Variants in NPR3 observed in about 807,000 individuals in gnomAD.
The protein encoded by NPR3 is natriuretic peptide receptor 3.
NPR3 carries 34 observed loss-of-function variants against 54.5 expected under a neutral mutation model. That is an observed-to-expected ratio of 0.62 (90% confidence interval 0.47 to 0.83). The LOEUF is 0.83. Ranked by LOEUF, NPR3 falls within the 40% of genes least tolerant of loss-of-function variation. NPR3 has a pLI of 0.00. For missense variants in NPR3, 674 were observed against 720.8 expected, an observed-to-expected ratio of 0.94 and a Z score of 0.74; for synonymous variants, 289 against 297.1, an observed-to-expected ratio of 0.97 and a Z score of 0.28.
intron 1 of NPR3, among the ~76,000 whole-genome samples, chr5:32,722,227 G>A (rs754555571): frequency 6.6e-6 from 1 of 152,136 alleles, no homozygotes; most frequent in Non-Finnish European, 1.5e-5. Context: ...CTTGGACCCT[G>A]GCTGTTTGGT....
At chr5:32,761,357 A>G (rs1349478296) in intron 3 of NPR3, among the ~76,000 whole-genome samples, 1 of 152,142 alleles carries the variant, frequency 6.6e-6, no homozygotes, top group Non-Finnish European at 1.5e-5. Context: ...TTATCTCAGC[A>G]ATGTTTATAG....
chr5:32,724,674 G>A, intron 1 of NPR3, 24 bp from the exon 2 acceptor site: 1 of 1,613,804 alleles, frequency 6.2e-7, no homozygotes, highest in East Asian at 2.2e-5. Flanking sequence ...GGTGCCTCAT[G>A]TGTGTTGTTT....
At chr5:32,709,412 T>TTC (rs1554011977), upstream of NPR3, 3 of 140,358 alleles carry the variant, frequency 2.1e-5, no homozygotes, top group African/African-American at 7.7e-5. Context: ...TCTTTTTCTT[T>TTC]TTTTTTTTTT....
chr5:32,721,248 A>G (rs1738842921), intron 1 of NPR3, among the ~76,000 whole-genome samples: 1 of 152,242 alleles, frequency 6.6e-6, no homozygotes, highest in African/African-American at 2.4e-5. Flanking sequence ...TTCCTTTTGA[A>G]TCTTAAATCA....
At chr5:32,708,938 C>A (rs1579578632), upstream of NPR3, among the ~76,000 whole-genome samples, 1 of 150,032 alleles carries the variant, frequency 6.7e-6, no homozygotes, top group African/African-American at 2.5e-5. Context: ...ATTCGTTCCG[C>A]TGCTTGGTTT....
At chr5:32,706,548 G>A (rs575957204), upstream of NPR3, among the ~76,000 whole-genome samples, 1 of 152,304 alleles carries the variant, frequency 6.6e-6, no homozygotes, top group South Asian at 2.1e-4. Flanking sequence ...TGTTTATTTT[G>A]AGAGTGTTTT....
chr5:32,750,431 C>T (rs1029065629), intron 3 of NPR3, among the ~76,000 whole-genome samples: 2 of 152,330 alleles, frequency 1.3e-5, no homozygotes, highest in Non-Finnish European at 1.5e-5. Context: ...CCACCCCTCC[C>T]GGCTTGTCGA....
intron 3 of NPR3, among the ~76,000 whole-genome samples, chr5:32,770,672 C>T (rs894605341): frequency 2.0e-5 from 3 of 152,144 alleles, no homozygotes; most frequent in Admixed American, 1.3e-4. Flanking sequence ...GCCCATCTAC[C>T]TGTTTGTAGG....
At chr5:32,699,392 A>G (rs768565909) in intron 1 of NPR3, among the ~76,000 whole-genome samples, 2 of 152,154 alleles carry the variant, frequency 1.3e-5, no homozygotes, top group Non-Finnish European at 2.9e-5. Context: ...GCACTTATCA[A>G]ATTAATCCAT....
intron 3 of NPR3, among the ~76,000 whole-genome samples, chr5:32,745,373 A>G (rs1017813852): frequency 2.0e-5 from 3 of 152,118 alleles, no homozygotes; most frequent in Non-Finnish European, 4.4e-5. Context: ...GGTGGTTTCT[A>G]TTGGGTTGCC....
chr5:32,781,494 C>T (rs1742336524), intron 5 of NPR3, among the ~76,000 whole-genome samples: 1 of 152,198 alleles, frequency 6.6e-6, no homozygotes. Flanking sequence ...CGGTGCCCTT[C>T]ATGGGACCTG....
At chr5:32,728,584 A>T (rs2111905507) in intron 2 of NPR3, among the ~76,000 whole-genome samples, 1 of 151,894 alleles carries the variant, frequency 6.6e-6, no homozygotes, top group Non-Finnish European at 1.5e-5. Context: ...GCTCTATAAC[A>T]ATTTTGATAC....
intron 1 of NPR3, among the ~76,000 whole-genome samples, chr5:32,695,911 T>C (rs931909264): frequency 2.6e-5 from 4 of 152,210 alleles, no homozygotes; most frequent in African/African-American, 9.6e-5. Flanking sequence ...TCCTTATATA[T>C]TATAATTATT....
intron 1 of NPR3, among the ~76,000 whole-genome samples, chr5:32,722,394 A>G (rs1339852255): frequency 6.6e-6 from 1 of 152,206 alleles, no homozygotes; most frequent in Non-Finnish European, 1.5e-5. Context: ...GCTCAGGTAT[A>G]GGGCATGTTG....
chr5:32,725,056 A>G (rs1283972632), intron 2 of NPR3, among the ~76,000 whole-genome samples: 8 of 151,892 alleles, frequency 5.3e-5, no homozygotes, highest in Non-Finnish European at 7.4e-5. Flanking sequence ...CTCACTTACA[A>G]GTGGGAGCTA....
Position 32,789,765 on chromosome 5 carries a change from T to C in NPR3, c.*3420T>C, listed in dbSNP as rs1469348986. On this transcript the variant is annotated 3_prime_UTR_variant, in exon 8 of 8. Coordinates refer to ENST00000265074, the MANE Select transcript of NPR3 (RefSeq NM_001204375.2). The stretch of plus-strand genomic sequence containing the variant: ...CAACAATGAGATGAAGGCCATTGCA[T>C]AGATCTCATGCAGATAGTGATGGAT... The C allele has an allele frequency of 7.5e-6, 4 of 530,984 alleles. No homozygotes were observed. Among genetic ancestry groups the C allele is most frequent in the African/African-American group, 1.9e-5 (1 of 51,760 alleles). 32.9% of individuals were successfully genotyped at this position (530,984 alleles called of 1,614,324 possible).
At chr5:32,703,411 A>G (rs1737882827) in intron 1 of NPR3, among the ~76,000 whole-genome samples, 1 of 151,224 alleles carries the variant, frequency 6.6e-6, no homozygotes, top group African/African-American at 2.4e-5. Flanking sequence ...CCTTTTCTCA[A>G]GCAGAAGGAG....
chr5:32,730,368 T>C (rs1227768078), intron 2 of NPR3, among the ~76,000 whole-genome samples: 8 of 152,178 alleles, frequency 5.3e-5, no homozygotes, highest in Admixed American at 2.0e-4. Context: ...GCAGCTGATA[T>C]CACAATTAAT....
chr5:32,754,018 G>A (rs1236445532), intron 3 of NPR3, among the ~76,000 whole-genome samples: 1 of 152,190 alleles, frequency 6.6e-6, no homozygotes, highest in East Asian at 1.9e-4. Context: ...CTTCCAGCTT[G>A]GAAGAAGAGA....
Sources: allele counts gnomAD v4.1 joint callset (sites outside exome capture counted in the v4.1 genomes callset), GRCh38; gene constraint gnomAD v4.1.1; transcripts MANE v1.5; gene names NCBI Gene and HGNC (gene_info 2026-07-23, HGNC 2026-07-21).